Variants in NOL4 observed in about 807,000 individuals in gnomAD.
NOL4 encodes the protein cancer/testis antigen 125.
Under a neutral mutation model 75.9 loss-of-function variants are expected in NOL4, and 17 were observed. That is an observed-to-expected ratio of 0.22 (90% CI 0.15 to 0.34). The LOEUF (loss-of-function observed/expected upper bound fraction) is 0.34, where lower values mean the gene tolerates loss of function less well. Ranked by LOEUF, NOL4 falls within the 10% of genes least tolerant of loss-of-function variation. The pLI, the probability that NOL4 is intolerant of heterozygous loss-of-function variation, is 1.00. For missense variants in NOL4, 614 were observed against 793.5 expected (o/e 0.77, Z 2.72); for synonymous variants, 292 against 289.9 (o/e 1.01, Z -0.07).
intron 9 of NOL4, among the ~76,000 whole-genome samples, chr18:33,923,223 ATAAGGTCATGATTTAGAAAC>A (rs1411061433): frequency 5.9e-5 from 9 of 152,116 alleles, no homozygotes; most frequent in Admixed American, 5.9e-4. Flanking sequence ...TCATAATGTC[ATAAGGTCATGATTTAGAAAC>A]TGATTTAGAA....
intron 1 of NOL4, among the ~76,000 whole-genome samples, chr18:34,188,168 A>G (rs2034637040): frequency 6.6e-6 from 1 of 152,226 alleles, no homozygotes; most frequent in Admixed American, 6.5e-5. Context: ...TCTTTTTGTC[A>G]TTAACTGAAT....
chr18:33,862,486 G>A (rs922153731), intron 10 of NOL4, among the ~76,000 whole-genome samples: 23 of 151,864 alleles, frequency 1.5e-4, no homozygotes, highest in African/African-American at 4.4e-4. Context: ...AACCGGCAAC[G>A]CACAAAATGG....
At chr18:34,197,919 T>C (rs1170843223) in intron 1 of NOL4, among the ~76,000 whole-genome samples, 1 of 151,900 alleles carries the variant, frequency 6.6e-6, no homozygotes, top group Non-Finnish European at 1.5e-5. Flanking sequence ...TGTGGGTTGT[T>C]AAAGGCCCAG....
chr18:34,105,482 T>C (rs1010093587), intron 2 of NOL4, among the ~76,000 whole-genome samples: 3 of 151,986 alleles, frequency 2.0e-5, no homozygotes, highest in South Asian at 2.1e-4. Flanking sequence ...TTATTAAACA[T>C]TGCCAACATT....
At chr18:34,144,246 T>C (rs894383138) in intron 1 of NOL4, among the ~76,000 whole-genome samples, 5 of 152,162 alleles carry the variant, frequency 3.3e-5, no homozygotes, top group African/African-American at 7.2e-5. Context: ...CATAAATGGA[T>C]TGCAAAATTT....
At chr18:34,121,342 A>G (rs923254421) in intron 2 of NOL4, 1 of 152,140 alleles carries the variant, frequency 6.6e-6, no homozygotes, top group African/African-American at 2.4e-5. Flanking sequence ...AAAGAATGCC[A>G]CTTTTCTGGT....
intron 2 of NOL4, among the ~76,000 whole-genome samples, chr18:34,127,351 G>C (rs980593659): frequency 6.6e-6 from 1 of 151,874 alleles, no homozygotes; most frequent in Non-Finnish European, 1.5e-5. Context: ...TGTTAAGACA[G>C]TATGATACAC....
In NOL4 at chr18:34,201,981, AT is replaced by A. The variant is rs199726214; in HGVS notation, c.264+21008del. ...TCTACTTACCTAGATTTGTGTAAAT[AT>A]TTTTTATTATCAGCAAATATATTTG... On this transcript the variant is annotated intron_variant, in intron 1 of 10. Coordinates refer to ENST00000261592, the MANE Select transcript of NOL4 (RefSeq NM_003787.5). 7.0e-3 allele frequency among the ~76,000 whole-genome samples: 1,069 copies of A among 151,816 alleles called. 12 individuals are homozygous for A. Among genetic ancestry groups the A allele is most frequent in the African/African-American group, 0.025 (1,039 of 41,498 alleles).
At chr18:33,884,475 GA>G (rs1342902897) in intron 9 of NOL4, among the ~76,000 whole-genome samples, 3 of 151,934 alleles carry the variant, frequency 2.0e-5, no homozygotes, top group African/African-American at 7.2e-5. Flanking sequence ...AAACTGTGAG[GA>G]AATAAAACGT....
chr18:34,194,426 G>A lies in NOL4; in HGVS notation c.264+28564C>T, dbSNP rs867065090. On this transcript the variant is annotated intron_variant, in intron 1 of 10. Transcript: ENST00000261592. ...AAAAAGGTAGGGAAGGAGGGAGGGA[G>A]GGAAGGAAGGAAGGAAGGAAGGAAG... 8.8e-3 allele frequency among the ~76,000 whole-genome samples: 1,131 copies of A among 128,066 alleles called. 2 individuals carry two copies. Among genetic ancestry groups the A allele is most frequent in the Middle Eastern group, 0.036 (9 of 248 alleles). The allele number at this position is 128,066 out of a possible 152,430, so 84.0% of individuals were successfully genotyped here.
intron 1 of NOL4, among the ~76,000 whole-genome samples, chr18:34,184,055 T>C (rs932831104): frequency 6.6e-6 from 1 of 151,800 alleles, no homozygotes; most frequent in African/African-American, 2.4e-5. Flanking sequence ...AAGTTAACTA[T>C]GCAAATGAAC....
At chr18:33,874,792 T>G (rs1340959179) in intron 10 of NOL4, among the ~76,000 whole-genome samples, 1 of 152,018 alleles carries the variant, frequency 6.6e-6, no homozygotes, top group Non-Finnish European at 1.5e-5. Flanking sequence ...TTTCTGGCAC[T>G]ATCAACACAC....
chr18:34,149,038 T>G (rs185763409), intron 1 of NOL4, among the ~76,000 whole-genome samples: 1 of 151,846 alleles, frequency 6.6e-6, no homozygotes, highest in African/African-American at 2.4e-5. Context: ...CTTTTTTAGT[T>G]ATTGTGGCTA....
chr18:34,006,477 T>G (rs978539679), intron 6 of NOL4, among the ~76,000 whole-genome samples: 27 of 152,050 alleles, frequency 1.8e-4, no homozygotes, highest in Admixed American at 3.9e-4. Flanking sequence ...GAGCCCTAGA[T>G]GTAGAGTCAT....
chr18:34,098,697 G>T (rs1664467798), intron 4 of NOL4, among the ~76,000 whole-genome samples: 2 of 152,048 alleles, frequency 1.3e-5, no homozygotes, highest in Admixed American at 6.6e-5. Flanking sequence ...TATTTACATT[G>T]ATTTGTTGCT....
chr18:33,991,429 T>A (rs2072907874), intron 6 of NOL4, among the ~76,000 whole-genome samples: 1 of 152,116 alleles, frequency 6.6e-6, no homozygotes, highest in Non-Finnish European at 1.5e-5. Context: ...CTGTTTAACA[T>A]CTACTCTGTT....
At chr18:34,084,267 A>G (rs911369679) in intron 5 of NOL4, among the ~76,000 whole-genome samples, 2 of 152,084 alleles carry the variant, frequency 1.3e-5, no homozygotes, top group Non-Finnish European at 2.9e-5. Flanking sequence ...AGCAGACAGG[A>G]AAGACTAGGG....
chr18:33,889,759 T>C (rs2064988141), intron 9 of NOL4, among the ~76,000 whole-genome samples: 1 of 151,926 alleles, frequency 6.6e-6, no homozygotes, highest in Admixed American at 6.6e-5. Context: ...ACGTAATACA[T>C]CACATAAACA....
At chr18:33,868,753 T>C (rs2063553896) in intron 10 of NOL4, among the ~76,000 whole-genome samples, 1 of 149,474 alleles carries the variant, frequency 6.7e-6, no homozygotes, top group Non-Finnish European at 1.5e-5. Context: ...CTTGGGACAA[T>C]GAAAATCTAT....
Sources: allele counts gnomAD v4.1 joint callset (sites outside exome capture counted in the v4.1 genomes callset), GRCh38; gene constraint gnomAD v4.1.1; transcripts MANE v1.5; gene names NCBI Gene and HGNC (gene_info 2026-07-23, HGNC 2026-07-21).